GPT2: variants seen among roughly 807,000 people sequenced by gnomAD.
GPT2 encodes alanine aminotransferase 2.
A neutral mutation model predicts 56.9 loss-of-function variants in GPT2; 30 were observed. The ratio of observed to expected loss-of-function variants is 0.53; its 90% CI spans 0.39 to 0.72. GPT2 has a LOEUF of 0.72. GPT2 is among the 30% of genes least tolerant of loss of function. The pLI is 0.00. For synonymous variants in GPT2, 271 were observed against 283.1 expected (o/e 0.96, Z 0.43); for missense variants, 542 against 703.4 (o/e 0.77, Z 2.60).
At chr16:46,909,977 T>C (rs1961014721) in intron 6 of GPT2, 50 bp downstream of exon 6, 1 of 1,530,550 alleles carries the variant, frequency 6.5e-7, no homozygotes. Context: ...GGGTGGCTGA[T>C]ACACTGGCTG....
At chr16:46,902,971 G>A (rs1035361942) in intron 4 of GPT2, among the ~76,000 whole-genome samples, 11 of 152,046 alleles carry the variant, frequency 7.2e-5, no homozygotes, top group South Asian at 4.1e-4. Flanking sequence ...TTCTTGGGCC[G>A]GGCGTGGTGG....
At chr16:46,912,756 G>A (rs1266662817) in intron 6 of GPT2, among the ~76,000 whole-genome samples, 1 of 152,136 alleles carries the variant, frequency 6.6e-6, no homozygotes, top group East Asian at 1.9e-4. Flanking sequence ...ATCAGGGCGG[G>A]GCAGGGGATG....
intron 6 of GPT2, among the ~76,000 whole-genome samples, chr16:46,914,039 G>A (rs899523800): frequency 6.6e-6 from 1 of 152,192 alleles, no homozygotes; most frequent in East Asian, 1.9e-4. Context: ...TTGTTAAGAA[G>A]TTAGCAAGCC....
rs762292718 is a variant in GPT2, at chr16:46,906,802, A to G, written c.443-40A>G. The G allele has an allele frequency of 3.1e-6, 5 of 1,607,326 alleles. No homozygotes were observed. The South Asian group carries it at 5.5e-5, about 18-fold the overall frequency. ...AATTATATTGACCCTGTGGAGCCAG[A>G]CATCCTGCCTCTGTTACTGTCTTGC... is the stretch of plus-strand genomic sequence containing the variant. On this transcript the variant is annotated intron_variant, in intron 4 of 11. Coordinates refer to ENST00000340124, the MANE Select transcript of GPT2 (RefSeq NM_133443.4).
chr16:46,885,370 G>A (rs1960463400), intron 2 of GPT2: 1 of 187,478 alleles, frequency 5.3e-6, no homozygotes, highest in Non-Finnish European at 6.4e-6. Context: ...CGGTGGGAGG[G>A]AAACCATTTT....
chr16:46,921,713 A>G (rs961571726), intron 8 of GPT2, among the ~76,000 whole-genome samples: 1 of 152,150 alleles, frequency 6.6e-6, no homozygotes, highest in Non-Finnish European at 1.5e-5. Flanking sequence ...GATTTGATTT[A>G]TAATTTGGCT....
At chr16:46,893,755 C>T (rs1000592320) in intron 2 of GPT2, among the ~76,000 whole-genome samples, 5 of 152,090 alleles carry the variant, frequency 3.3e-5, no homozygotes, top group Middle Eastern at 3.2e-3. Context: ...GCATCTGTGC[C>T]GCACAGGGGA....
At chr16:46,912,670 A>G (rs546630505) in intron 6 of GPT2, among the ~76,000 whole-genome samples, 1 of 152,302 alleles carries the variant, frequency 6.6e-6, no homozygotes, top group South Asian at 2.1e-4. Flanking sequence ...GGGATGCCTC[A>G]GGAAGCTTCC....
At chr16:46,906,762 A>T in intron 4 of GPT2, 80 bp from the exon 5 acceptor site, 1 of 1,565,698 alleles carries the variant, frequency 6.4e-7, no homozygotes, top group Non-Finnish European at 8.7e-7. Flanking sequence ...GCATCCCTCT[A>T]ATTATATGGA....
Position 46,916,666 on chromosome 16 carries a change from C to T in GPT2, c.859C>T (p.His287Tyr), listed in dbSNP as rs1567341366. The T allele has an allele frequency of 6.2e-7, 1 of 1,613,966 alleles. No individual in the cohort carries two copies. Residue 287 changes from histidine to tyrosine, a missense_variant, in exon 7 of 12, where the codon CAC (histidine) becomes TAC (tyrosine). Physicochemically the swap from His to Tyr is moderately conservative, Grantham distance 83. Coordinates refer to ENST00000340124, the MANE Select transcript of GPT2 (RefSeq NM_133443.4). The stretch of plus-strand genomic sequence containing the variant: ...CAGAAAGTGCATAGAAGATGTGATC[C>T]ACTTTGCCTGGGAAGAGAAGCTCTT... ...QSRKCIEDVIHFAWEEKLFLL... is the reference protein window; with the variant it reads ...QSRKCIEDVIYFAWEEKLFLL...
chr16:46,925,650 G>A (rs1262153683), intron 10 of GPT2, among the ~76,000 whole-genome samples: 1 of 151,964 alleles, frequency 6.6e-6, no homozygotes, highest in Non-Finnish European at 1.5e-5. Flanking sequence ...GGGCAACATA[G>A]TGAAACCCTC....
chr16:46,929,556 C>G lies in GPT2; in HGVS notation c.*559C>G, dbSNP rs993029971. 1 of 155,022 alleles carries G rather than the reference C, an allele frequency of 6.5e-6. No homozygotes were observed. Among genetic ancestry groups the G allele is most frequent in the African/African-American group, 2.4e-5 (1 of 41,504 alleles). 9.6% of individuals were successfully genotyped at this position (155,022 alleles called of 1,614,324 possible). On this transcript the variant is annotated 3_prime_UTR_variant, in exon 12 of 12. Coordinates refer to ENST00000340124, the MANE Select transcript of GPT2 (RefSeq NM_133443.4). ...CACGTGGACTGGGCAGGATGTTGCA[C>G]TAGCTTGGGGTAGATGCTGGGGGCT...
At chr16:46,893,440 A>G (rs911865354) in intron 2 of GPT2, among the ~76,000 whole-genome samples, 5 of 152,126 alleles carry the variant, frequency 3.3e-5, no homozygotes, top group Admixed American at 6.6e-5. Context: ...CCTTTCCTGA[A>G]TATTTTTGAT....
intron 4 of GPT2, among the ~76,000 whole-genome samples, chr16:46,902,509 G>C (rs886153741): frequency 2.6e-5 from 4 of 152,144 alleles, no homozygotes; most frequent in African/African-American, 9.7e-5. Flanking sequence ...GGCAGCCTGA[G>C]CACTTTTCTG....
In GPT2 at chr16:46,921,591, G is replaced by A. The variant is rs1379254564; in HGVS notation, c.1038-651G>A. ...TCCAGGCACCTGCGTTCCTGTGGTC[G>A]TTAGTGTGAACGTTTGCAGCCACAC... On this transcript the variant is annotated intron_variant, in intron 8 of 11. Transcript: ENST00000340124. 3.9e-5 allele frequency among the ~76,000 whole-genome samples: 6 copies of A among 152,300 alleles called. No homozygotes were observed. The East Asian group carries it at 7.7e-4, about 20-fold the overall frequency.
chr16:46,906,720 G>A (rs963721611), intron 4 of GPT2, 122 bp from the exon 5 acceptor site: 2 of 1,306,728 alleles, frequency 1.5e-6, no homozygotes, highest in African/African-American at 2.9e-5. Context: ...AATGGGAGTT[G>A]GGCCCCACCC....
Position 46,924,374 on chromosome 16 carries a change from T to G in GPT2, c.1213-15T>G. The G allele has an allele frequency of 6.2e-7, 1 of 1,614,018 alleles. No individual in the cohort carries two copies. Among genetic ancestry groups the G allele is most frequent in the Non-Finnish European group, 8.5e-7 (1 of 1,179,842 alleles). ...CAGAGATACTGACTGCTGTGCTGTT[T>G]CCATCTCTCATCAGGAGAAGGAGTC... On this transcript the variant is annotated splice_polypyrimidine_tract_variant and intron_variant, in intron 9 of 11. Transcript: ENST00000340124.
intron 2 of GPT2, among the ~76,000 whole-genome samples, chr16:46,896,371 G>C (rs555558023): frequency 1.3e-5 from 2 of 152,118 alleles, no homozygotes; most frequent in African/African-American, 2.4e-5. Context: ...ACTTCTCTCT[G>C]TGATCTCTCT....
intron 9 of GPT2, chr16:46,924,177 C>T: frequency 1.6e-6 from 1 of 635,312 alleles, no homozygotes; most frequent in South Asian, 1.7e-5. Context: ...AGGAACAGAC[C>T]ACCCCACCCA....
Sources: gnomAD v4.1 joint callset for allele counts (sites outside exome capture counted in the v4.1 genomes callset) on GRCh38, gnomAD v4.1.1 for gene constraint, MANE v1.5 for transcripts, NCBI Gene and HGNC (gene_info 2026-07-23, HGNC 2026-07-21) for gene names.